The following MAN1A1 variants were observed in gnomAD, a reference collection of about 807,000 sequenced individuals.
MAN1A1 encodes the protein mannosyl-oligosaccharide 1,2-alpha-mannosidase IA.
A neutral mutation model predicts 70.8 loss-of-function variants in MAN1A1; 29 were observed. The ratio of observed to expected loss-of-function variants is 0.41; its 90% confidence interval spans 0.31 to 0.56. MAN1A1 has a LOEUF of 0.56. Among genes scored for constraint, MAN1A1 ranks in the 20% least tolerant of loss-of-function variants. MAN1A1 has a pLI of 0.29. For missense variants in MAN1A1, 747 were observed against 841.3 expected (o/e 0.89, Z 1.39); for synonymous variants, 349 against 330.1 (o/e 1.06, Z -0.62).
chr6:119,327,528 T>A (rs1240509080), intron 2 of MAN1A1: 2 of 152,100 alleles, frequency 1.3e-5, no homozygotes, highest in Non-Finnish European at 2.9e-5. Context: ...GAGCTGGGAT[T>A]ACAGGCATGC....
chr6:119,280,987 G>C (rs1198111659), intron 5 of MAN1A1, among the ~76,000 whole-genome samples: 2 of 152,222 alleles, frequency 1.3e-5, no homozygotes, highest in African/African-American at 4.8e-5. Flanking sequence ...ACAGCAACTG[G>C]CTCCCACCAC....
chr6:119,320,215 GCCTGCCT>G, intron 2 of MAN1A1, among the ~76,000 whole-genome samples: 1 of 152,082 alleles, frequency 6.6e-6, no homozygotes, highest in East Asian at 1.9e-4. Context: ...CTCGTGATCT[GCCTGCCT>G]CCGCCTCCCA....
intron 9 of MAN1A1, among the ~76,000 whole-genome samples, 162 bp from the exon 10 acceptor site, chr6:119,190,045 T>G (rs948806447): frequency 6.6e-6 from 1 of 152,198 alleles, no homozygotes; most frequent in Non-Finnish European, 1.5e-5. Flanking sequence ...CTTTCTGTAT[T>G]CCTCCTCTAG....
chr6:119,181,827 C>T (rs78050956), intron 11 of MAN1A1, among the ~76,000 whole-genome samples: 5,481 of 152,244 alleles, frequency 0.036, 138 homozygotes, highest in Non-Finnish European at 0.051. Context: ...TGGATATACA[C>T]CATCTTCTGT....
intron 2 of MAN1A1, among the ~76,000 whole-genome samples, chr6:119,310,752 A>G (rs557560228): frequency 4.6e-5 from 7 of 152,186 alleles, no homozygotes; most frequent in Admixed American, 3.3e-4. Context: ...CAAGGAGAAA[A>G]AAGTTAAGAG....
At chr6:119,270,900 A>G (rs1180512009) in intron 5 of MAN1A1, among the ~76,000 whole-genome samples, 1 of 152,228 alleles carries the variant, frequency 6.6e-6, no homozygotes, top group Non-Finnish European at 1.5e-5. Flanking sequence ...GAATCAGTAC[A>G]TATTCCCAAC....
At chr6:119,321,530 C>T (rs1360955568) in intron 2 of MAN1A1, among the ~76,000 whole-genome samples, 1 of 152,068 alleles carries the variant, frequency 6.6e-6, no homozygotes, top group African/African-American at 2.4e-5. Context: ...AGAAGGTCAC[C>T]TTCCCAACAA....
chr6:119,333,205 T>C (rs1001891730), intron 2 of MAN1A1, among the ~76,000 whole-genome samples: 8 of 152,202 alleles, frequency 5.3e-5, no homozygotes, highest in Non-Finnish European at 1.2e-4. Flanking sequence ...TATTGATAAT[T>C]AAAGGTCCAC....
intron 8 of MAN1A1, among the ~76,000 whole-genome samples, chr6:119,196,907 G>A (rs1258360510): frequency 1.3e-5 from 2 of 152,162 alleles, no homozygotes; most frequent in Non-Finnish European, 2.9e-5. Context: ...GGCCTCAATA[G>A]TAACAAGATC....
intron 2 of MAN1A1, chr6:119,327,168 A>G (rs1443083053): frequency 6.6e-6 from 1 of 152,146 alleles, no homozygotes; most frequent in East Asian, 1.9e-4. Flanking sequence ...GGGCCCTTAA[A>G]TGCAAAGAAC....
intron 3 of MAN1A1, among the ~76,000 whole-genome samples, 179 bp from the exon 4 acceptor site, chr6:119,302,282 G>A (rs933129490): frequency 6.6e-6 from 1 of 151,874 alleles, no homozygotes; most frequent in South Asian, 2.1e-4. Context: ...AAATTATCAC[G>A]GGCTATCGAC....
chr6:119,218,001 A>T (rs1396053757), intron 6 of MAN1A1, among the ~76,000 whole-genome samples: 1 of 152,242 alleles, frequency 6.6e-6, no homozygotes, highest in Non-Finnish European at 1.5e-5. Context: ...ATCACATTTC[A>T]TTAAACCAAT....
At chr6:119,258,525 A>C (rs1775520333) in intron 5 of MAN1A1, among the ~76,000 whole-genome samples, 1 of 152,138 alleles carries the variant, frequency 6.6e-6, no homozygotes, top group African/African-American at 2.4e-5. Flanking sequence ...TGTTATATGC[A>C]AATACTGTAC....
intron 2 of MAN1A1, among the ~76,000 whole-genome samples, chr6:119,339,117 A>G (rs192036971): frequency 6.2e-4 from 94 of 152,330 alleles, no homozygotes; most frequent in African/African-American, 2.2e-3. Context: ...CAAACTGAAA[A>G]TGCCATATAC....
intron 5 of MAN1A1, among the ~76,000 whole-genome samples, chr6:119,264,737 A>G (rs9489641): frequency 0.055 from 8,396 of 152,280 alleles, 328 homozygotes; most frequent in African/African-American, 0.1. Flanking sequence ...TTATTGGTCC[A>G]TAACACAGCA....
chr6:119,286,961 C>G (rs1029322349), intron 5 of MAN1A1, among the ~76,000 whole-genome samples: 1 of 152,132 alleles, frequency 6.6e-6, no homozygotes, highest in Non-Finnish European at 1.5e-5. Flanking sequence ...ACTCTTCTCA[C>G]AGGGCCTCGA....
At chr6:119,347,430 T>C (rs1336428907) in intron 2 of MAN1A1, among the ~76,000 whole-genome samples, 1 of 152,252 alleles carries the variant, frequency 6.6e-6, no homozygotes, top group African/African-American at 2.4e-5. Flanking sequence ...ATTCATATTT[T>C]AGAAAATTGA....
At position 119,349,160 on chromosome 6, in the gene MAN1A1, G is replaced by A; in HGVS notation, c.-95C>T. 1 of 1,232,496 alleles carries A rather than the reference G, an allele frequency of 8.1e-7. No homozygotes were observed. Among genetic ancestry groups the A allele is most frequent in the Non-Finnish European group, 1.0e-6 (1 of 989,098 alleles). The allele number at this position is 1,232,496 out of a possible 1,614,324, so 76.3% of individuals were successfully genotyped here. A position where few individuals can be genotyped will look rare whatever the true frequency, so the allele number is the denominator to read the frequency against. ...CGGCTGCGGGGCTGGGTCCTGCGTA[G>A]CCAGGCCGCCCGACCCCCTCGGCTG... On this transcript the variant is annotated 5_prime_UTR_variant, in exon 2 of 13. Transcript: ENST00000368468.
At chr6:119,184,613 C>T (rs907335093) in intron 11 of MAN1A1, among the ~76,000 whole-genome samples, 1 of 151,904 alleles carries the variant, frequency 6.6e-6, no homozygotes, top group East Asian at 1.9e-4. Context: ...AAGTCACTTC[C>T]TGAGAGTCGA....
Sources: allele counts gnomAD v4.1 joint callset (sites outside exome capture counted in the v4.1 genomes callset), GRCh38; gene constraint gnomAD v4.1.1; transcripts MANE v1.5; gene names NCBI Gene and HGNC (gene_info 2026-07-23, HGNC 2026-07-21).